The following EIF2B2 variants were observed in gnomAD, a reference collection of about 807,000 sequenced individuals.
The protein encoded by EIF2B2 is translation initiation factor eIF2B subunit beta.
A neutral mutation model predicts 34.7 loss-of-function variants in EIF2B2; 34 were observed. That is an observed-to-expected ratio of 0.98 (90% CI 0.75 to 1.31). EIF2B2 has a LOEUF of 1.31. Among genes scored for constraint, EIF2B2 ranks in the 50% most tolerant of loss-of-function variants. The probability of loss-of-function intolerance (pLI) is 0.00; values close to 1 mark genes in which losing one functional copy is unlikely to be tolerated. For missense variants in EIF2B2, 361 were observed against 447.7 expected (o/e 0.81, Z 1.75); for synonymous variants, 155 against 171.6 (o/e 0.90, Z 0.76).
At chr14:75,004,605 A>G (rs1330558166) in intron 3 of EIF2B2, 132 bp from the exon 4 acceptor site, 1 of 276,320 alleles carries the variant, frequency 3.6e-6, no homozygotes, top group Non-Finnish European at 5.8e-6. Context: ...TGGGCAGTGC[A>G]TGTGAAGGGC....
intron 7 of EIF2B2, 37 bp downstream of exon 7, chr14:75,007,825 G>A (rs751262740): frequency 5.0e-6 from 8 of 1,603,074 alleles, no homozygotes; most frequent in Non-Finnish European, 6.8e-6. Context: ...CATGTGTTGT[G>A]TGTATTCGGG....
In EIF2B2 at chr14:75,003,128, C is replaced by T. The variant is rs772067107; in HGVS notation, c.138C>T (p.Ile46=). The T allele has an allele frequency of 3.1e-6, 5 of 1,613,552 alleles. No homozygotes were observed. In the South Asian group the frequency reaches 4.4e-5, roughly 14 times the overall value. The change falls in exon 1 of 8, where the codon ATC becomes ATT. Residue 46 remains isoleucine (I), a synonymous_variant. Coordinates refer to ENST00000266126, the MANE Select transcript of EIF2B2 (RefSeq NM_014239.4). ...RETLGLLRQI[I]TDHRWSNAGE... ...CCCTAGGGTTGCTGCGCCAGATCAT[C>T]ACGGACCACCGCTGGAGCAACGCGG...
chr14:75,007,696 G>T, intron 6 of EIF2B2, 26 bp from the exon 7 acceptor site: 1 of 1,605,488 alleles, frequency 6.2e-7, no homozygotes. Flanking sequence ...TGGGTCTCTA[G>T]TTTTTATAAA....
At position 75,003,643 on chromosome 14, in the gene EIF2B2, A is replaced by G. The variant is rs1039929308; in HGVS notation, c.377A>G (p.Tyr126Cys). The change falls in exon 3 of 8, where the codon TAT becomes TGT. Residue 126 changes from tyrosine (Y) to cysteine (C), a missense_variant. Physicochemically the swap from Tyr to Cys is radical, Grantham distance 194 (BLOSUM62 -2). Transcript: ENST00000266126. ...CTAAACGAGGATTTCAGCTTCCATT[A>G]TGCCCAACTCCAGTCCAACATCATT... The part of the protein sequence containing the change: ...GGLNEDFSFH[Y>C]AQLQSNIIEA... 1 of 1,614,212 alleles carries G rather than the reference A, an allele frequency of 6.2e-7. No individual in the cohort carries two copies. Among genetic ancestry groups the G allele is most frequent in the Non-Finnish European group, 8.5e-7 (1 of 1,180,040 alleles).
chr14:75,003,115 T>C lies in EIF2B2; in HGVS notation c.125T>C (p.Leu42Pro). Residue 42 changes from leucine to proline, a missense_variant, in exon 1 of 8, where the codon CTG becomes CCG. Leu to Pro is a moderately conservative substitution (Grantham distance 98). Coordinates refer to ENST00000266126, the MANE Select transcript of EIF2B2 (RefSeq NM_014239.4). Reference sequence around the variant, plus strand: ...ATGGCTCGGGAGACCCTAGGGTTGCTGCGCCAGATCATCACGGACCACCGC... The same window carrying C: ...ATGGCTCGGGAGACCCTAGGGTTGCCGCGCCAGATCATCACGGACCACCGC... ...EEMARETLGL[L>P]RQIITDHRWS... 1 of 1,613,676 alleles carries C rather than the reference T, an allele frequency of 6.2e-7. No homozygotes were observed. Among genetic ancestry groups the C allele is most frequent in the South Asian group, 1.1e-5 (1 of 91,080 alleles).
chr14:75,007,268 C>A (rs1889640719), intron 6 of EIF2B2: 5 of 359,778 alleles, frequency 1.4e-5, no homozygotes, highest in South Asian at 8.7e-5. Flanking sequence ...ACAACCACCA[C>A]TCTCTAGTTT....
Position 75,007,336 on chromosome 14 carries a change from A to G in EIF2B2, c.832-386A>G, listed in dbSNP as rs762576500. ...TGTACCCATTAAGTAATCTCTCCCT[A>G]TTTGTCCTTCTCCCCATCTCCTCCA... On this transcript the variant is annotated intron_variant, in intron 6 of 7. Coordinates refer to ENST00000266126, the MANE Select transcript of EIF2B2 (RefSeq NM_014239.4). 2.3e-4 allele frequency: 81 copies of G among 347,278 alleles called. 1 individual carries two copies. Among genetic ancestry groups the G allele is most frequent in the Non-Finnish European group, 4.4e-4 (79 of 179,912 alleles). 21.5% of individuals were successfully genotyped at this position (347,278 alleles called of 1,614,324 possible).
Position 75,009,883 on chromosome 14 carries a change from C to T in EIF2B2, c.*695C>T, listed in dbSNP as rs1889682187. The T allele has an allele frequency of 6.5e-6, 1 of 153,974 alleles. No individual in the cohort carries two copies. Among genetic ancestry groups the T allele is most frequent in the Admixed American group, 6.4e-5 (1 of 15,630 alleles). 9.5% of individuals were successfully genotyped at this position (153,974 alleles called of 1,614,324 possible). Reference sequence around the variant, plus strand: ...ATTAGCCAGACATGGTGGCACATGCCTGTGGCCTCGCTATGCTGGAGGCTG... The same window carrying T: ...ATTAGCCAGACATGGTGGCACATGCTTGTGGCCTCGCTATGCTGGAGGCTG... On this transcript the variant is annotated 3_prime_UTR_variant, in exon 8 of 8. Transcript: ENST00000266126.
At position 75,003,116 on chromosome 14, in the gene EIF2B2, G is replaced by A. The variant is rs1217463776; in HGVS notation, c.126G>A (p.Leu42=). 1.9e-6 allele frequency: 3 copies of A among 1,613,512 alleles called. No homozygotes were observed. Among genetic ancestry groups the A allele is most frequent in the Non-Finnish European group, 2.5e-6 (3 of 1,179,966 alleles). Reference sequence around the variant, plus strand: ...TGGCTCGGGAGACCCTAGGGTTGCTGCGCCAGATCATCACGGACCACCGCT... The same window carrying A: ...TGGCTCGGGAGACCCTAGGGTTGCTACGCCAGATCATCACGGACCACCGCT... ...EEMARETLGL[L]RQIITDHRWS... The change falls in exon 1 of 8, where the codon CTG becomes CTA. Residue 42 remains leucine (L), a synonymous_variant. Coordinates refer to ENST00000266126, the MANE Select transcript of EIF2B2 (RefSeq NM_014239.4).
chr14:75,002,983 C>T lies in EIF2B2; in HGVS notation c.-8C>T, dbSNP rs1460077451. ...CGCCGGTGAAGGCTGAAGGCAGCTA[C>T]CTTAAAGATGCCGGGATCCGCAGCG... On this transcript the variant is annotated 5_prime_UTR_variant, in exon 1 of 8. Coordinates refer to ENST00000266126, the MANE Select transcript of EIF2B2 (RefSeq NM_014239.4). The T allele has an allele frequency of 6.2e-7, 1 of 1,614,012 alleles. No individual in the cohort carries two copies. Among genetic ancestry groups the T allele is most frequent in the Non-Finnish European group, 8.5e-7 (1 of 1,180,026 alleles).
chr14:75,009,362 A>G lies in EIF2B2; in HGVS notation c.*174A>G, dbSNP rs542050883. 1.9e-5 allele frequency: 14 copies of G among 726,962 alleles called. No individual in the cohort carries two copies. The highest frequency in any genetic ancestry group is 3.1e-5 in the Non-Finnish European group (13 of 419,752). The allele number at this position is 726,962 out of a possible 1,614,324, so 45.0% of individuals were successfully genotyped here. ...TAGTCACCCCGTAACAAGGGCACACATCCAGGACTGTGTCTTGCCTTTCAG... is the reference window on the plus strand; with the variant it reads ...TAGTCACCCCGTAACAAGGGCACACGTCCAGGACTGTGTCTTGCCTTTCAG... On this transcript the variant is annotated 3_prime_UTR_variant, in exon 8 of 8. Transcript: ENST00000266126.
chr14:75,005,720 A>G, intron 4 of EIF2B2, 146 bp from the exon 5 acceptor site: 1 of 688,192 alleles, frequency 1.5e-6, no homozygotes. Context: ...CTGAAAAATC[A>G]GTTGTCCGAA....
rs780841869 is a variant in EIF2B2, at chr14:75,003,028, A to G, written c.38A>G (p.Glu13Gly). The change falls in exon 1 of 8, where the codon GAG becomes GGG. Residue 13 changes from glutamate (E) to glycine (G), a missense_variant. Transcript: ENST00000266126. ...GCAGCGAAGGGCTCGGAGTTGTCAG[A>G]GAGGATCGAGAGCTTCGTGGAGACC... is the stretch of plus-strand genomic sequence containing the variant. Reference protein sequence around the residue: ...GSAAKGSELSERIESFVETLK... With the variant: ...GSAAKGSELSGRIESFVETLK... 1.5e-5 allele frequency: 24 copies of G among 1,613,976 alleles called. 1 individual carries two copies. The South Asian group carries it at 2.6e-4, about 18-fold the overall frequency.
rs1595008425 is a variant in EIF2B2, at chr14:75,003,774, C to A, written c.433+75C>A. On this transcript the variant is annotated intron_variant, in intron 3 of 7. Coordinates refer to ENST00000266126, the MANE Select transcript of EIF2B2 (RefSeq NM_014239.4). ...GGAACAGAAGCCTCTGAAGGTTGTTCATTAGCAGAGATGGGAGATTAGCTG... is the reference window on the plus strand; with the variant it reads ...GGAACAGAAGCCTCTGAAGGTTGTTAATTAGCAGAGATGGGAGATTAGCTG... The A allele has an allele frequency of 1.9e-6, 3 of 1,590,828 alleles. No individual in the cohort carries two copies. The South Asian group carries it at 3.4e-5, about 18-fold the overall frequency.
intron 3 of EIF2B2, among the ~76,000 whole-genome samples, chr14:75,004,236 A>T (rs1337391792): frequency 6.6e-6 from 1 of 152,148 alleles, no homozygotes; most frequent in African/African-American, 2.4e-5. Context: ...TCTTTACCCT[A>T]TTCTCAGCAC....
chr14:75,005,301 T>C (rs536310100), intron 4 of EIF2B2, among the ~76,000 whole-genome samples: 146 of 150,964 alleles, frequency 9.7e-4, no homozygotes, highest in Non-Finnish European at 1.9e-3. Context: ...TGCTTGAACC[T>C]GGAAGGCAGA....
rs1204451804 is a variant in EIF2B2, at chr14:75,006,563, G to T, written c.694-14G>T. ...ACCCCCAGGATGGCTCACATTTTTT[G>T]TCTTGTCCCAAAGGTGATCATTGGC... On this transcript the variant is annotated splice_polypyrimidine_tract_variant and intron_variant, in intron 5 of 7. Transcript: ENST00000266126. The surrounding 1 kb of genome is among the most constrained non-coding windows in gnomAD (Gnocchi z 4.1). 6.2e-7 allele frequency: 1 copy of T among 1,613,274 alleles called. No individual in the cohort carries two copies. Among genetic ancestry groups the T allele is most frequent in the African/African-American group, 1.3e-5 (1 of 74,890 alleles).
rs182322399 is a variant in EIF2B2 at position 75,004,721 on chromosome 14, A to G, written c.434-16A>G. 387 of 652,388 alleles carry G rather than the reference A, an allele frequency of 5.9e-4. 7 individuals carry two copies. The East Asian group carries it at 0.011, about 19-fold the overall frequency. The allele number at this position is 652,388 out of a possible 1,614,324, so 40.4% of individuals were successfully genotyped here. On this transcript the variant is annotated splice_polypyrimidine_tract_variant and intron_variant, in intron 3 of 7. Coordinates refer to ENST00000266126, the MANE Select transcript of EIF2B2 (RefSeq NM_014239.4). Reference sequence around the variant, plus strand: ...TTTTTTTTTTTTTTTTTTTTTTTGCAAAACCGTTCTTACAGAAGGGACAAT... The same window carrying G: ...TTTTTTTTTTTTTTTTTTTTTTTGCGAAACCGTTCTTACAGAAGGGACAAT...
At position 75,003,190 on chromosome 14, in the gene EIF2B2, C is replaced by T. The variant is rs1207564147; in HGVS notation, c.163+37C>T. On this transcript the variant is annotated intron_variant, in intron 1 of 7. Coordinates refer to ENST00000266126, the MANE Select transcript of EIF2B2 (RefSeq NM_014239.4). The stretch of plus-strand genomic sequence containing the variant: ...CTGCCTCCGCCGGCGAACCTGGCCC[C>T]TGTCTGTTCCCGATCCCAGGGCTGA... 2.5e-6 allele frequency: 4 copies of T among 1,613,208 alleles called. 1 individual carries two copies. Among genetic ancestry groups the T allele is most frequent in the South Asian group, 2.2e-5 (2 of 91,024 alleles).
Sources: allele counts gnomAD v4.1 joint callset (sites outside exome capture counted in the v4.1 genomes callset), GRCh38; gene constraint gnomAD v4.1.1; non-coding constraint Gnocchi (gnomAD v3.1); transcripts MANE v1.5; gene names NCBI Gene and HGNC (gene_info 2026-07-23, HGNC 2026-07-21).